The following F10 variants were observed in gnomAD, a reference collection of about 807,000 sequenced individuals.
F10 encodes coagulation factor X.
A neutral mutation model predicts 37.1 loss-of-function variants in F10; 29 were observed. That is an observed-to-expected ratio of 0.78 (90% CI 0.58 to 1.07). The LOEUF is 1.07. Among genes scored for constraint, F10 ranks in the 50% least tolerant of loss-of-function variants. F10 has a pLI of 0.00. For synonymous variants in F10, 262 were observed against 268.6 expected, an observed-to-expected ratio of 0.98 and a Z score of 0.24; for missense variants, 539 against 667.9, an observed-to-expected ratio of 0.81 and a Z score of 2.13.
In F10 at chr13:113,129,758, G is replaced by C. The variant is rs2036410859; in HGVS notation, c.231+146G>C. ...TTTCAGGGGCGGGGCCCAGCAAATC[G>C]AGGCCTCGGCGGAGTCCTGCCCACA... On this transcript the variant is annotated intron_variant, in intron 2 of 7. Transcript: ENST00000375559. 9 of 1,071,808 alleles carry C rather than the reference G, an allele frequency of 8.4e-6. No individual in the cohort carries two copies. In the South Asian group the frequency reaches 1.0e-4, roughly 12 times the overall value. 66.4% of individuals were successfully genotyped at this position (1,071,808 alleles called of 1,614,324 possible).
intron 7 of F10, among the ~76,000 whole-genome samples, chr13:113,147,897 G>A (rs774823928): frequency 3.3e-5 from 5 of 152,080 alleles, no homozygotes; most frequent in Admixed American, 1.3e-4. Flanking sequence ...TTTATTTGTG[G>A]GATTGTTTCA....
rs1039641348 is a variant in F10 at position 113,123,054 on chromosome 13, G to A, written c.70+129G>A. On this transcript the variant is annotated intron_variant, in intron 1 of 7. Coordinates refer to ENST00000375559, the MANE Select transcript of F10 (RefSeq NM_000504.4). ...TTGAGTGCTGCCAGAGGCTGGGCTC[G>A]GATGGCTGGGCTTGGCCTTTCCAGC... 43 of 1,133,612 alleles carry A rather than the reference G, an allele frequency of 3.8e-5. 1 individual carries two copies. Among genetic ancestry groups the A allele is most frequent in the Admixed American group, 1.2e-4 (6 of 50,358 alleles). 70.2% of individuals were successfully genotyped at this position (1,133,612 alleles called of 1,614,324 possible).
At chr13:113,127,284 G>A (rs1310819450) in intron 1 of F10, among the ~76,000 whole-genome samples, 3 of 152,222 alleles carry the variant, frequency 2.0e-5, no homozygotes, top group African/African-American at 7.2e-5. Flanking sequence ...TGGACATGGA[G>A]AGTTTGGAGT....
In F10 at chr13:113,122,939, G is replaced by C. The variant is rs374448450; in HGVS notation, c.70+14G>C. 1.2e-5 allele frequency: 20 copies of C among 1,607,826 alleles called. No homozygotes were observed. Among genetic ancestry groups the C allele is most frequent in the Non-Finnish European group, 1.6e-5 (19 of 1,179,886 alleles). Reference sequence around the variant, plus strand: ...TCGGGGAAAGTCGTAAGTGCCCCTCGCCCTTCAGACCCAAAAGCAGCGCCA... The same window carrying C: ...TCGGGGAAAGTCGTAAGTGCCCCTCCCCCTTCAGACCCAAAAGCAGCGCCA... On this transcript the variant is annotated intron_variant, in intron 1 of 7. Transcript: ENST00000375559.
chr13:113,140,613 C>A (rs943479062), intron 4 of F10: 1 of 597,204 alleles, frequency 1.7e-6, no homozygotes. Flanking sequence ...AAAAGCCACA[C>A]AGAGGGATGT....
chr13:113,128,523 G>A (rs544310663), intron 1 of F10: 1 of 152,364 alleles, frequency 6.6e-6, no homozygotes, highest in Admixed American at 6.5e-5. Flanking sequence ...GCCACCCTTA[G>A]AGGGAATAGA....
rs199504070 is a variant in F10 at position 113,143,886 on chromosome 13, A to G, written c.538A>G (p.Arg180Gly). ...CTGTGGGAAACAGACCCTGGAACGCAGGAAGAGGTCAGTGGCCCAGGCCAC... is the reference window on the plus strand; with the variant it reads ...CTGTGGGAAACAGACCCTGGAACGCGGGAAGAGGTCAGTGGCCCAGGCCAC... ...YPCGKQTLER[R>G]KRSVAQATSS... is the part of the protein sequence containing the mutation. The change falls in exon 6 of 8, where the codon AGG becomes GGG. Residue 180 changes from arginine to glycine, a missense_variant. By Grantham distance (125) the Arg-to-Gly change is moderately radical (BLOSUM62 -2). Coordinates refer to ENST00000375559, the MANE Select transcript of F10 (RefSeq NM_000504.4). This position sits in a 1 kb window ranked among gnomAD's most constrained non-coding sequence, Gnocchi z 6.8. 92 of 1,613,260 alleles carry G rather than the reference A, an allele frequency of 5.7e-5. No homozygotes were observed. The highest frequency in any genetic ancestry group is 7.2e-5 in the Non-Finnish European group (85 of 1,179,986).
rs369828127 is a variant in F10 at position 113,124,676 on chromosome 13, G to A, written c.70+1751G>A. 7.9e-4 allele frequency among the ~76,000 whole-genome samples: 121 copies of A among 152,348 alleles called. 1 individual carries two copies. The highest frequency in any genetic ancestry group is 2.8e-3 in the African/African-American group (118 of 41,584). On this transcript the variant is annotated intron_variant, in intron 1 of 7. Coordinates refer to ENST00000375559, the MANE Select transcript of F10 (RefSeq NM_000504.4). ...CATCTGCAGTCTAGCCTTTAAACGA[G>A]CACAGCTGTCCTGGCAGTCACGGAA...
chr13:113,124,096 A>G (rs2036347277), intron 1 of F10, among the ~76,000 whole-genome samples: 1 of 152,192 alleles, frequency 6.6e-6, no homozygotes, highest in African/African-American at 2.4e-5. Context: ...TTGGTAGAAA[A>G]TTCTGCAGCC....
intron 2 of F10, chr13:113,131,560 A>C (rs2036434310): frequency 6.6e-6 from 1 of 152,352 alleles, no homozygotes; most frequent in Non-Finnish European, 1.5e-5. Flanking sequence ...AACTCAAAAA[A>C]TTATTGGTGA....
At position 113,139,333 on chromosome 13, in the gene F10, A is replaced by G. The variant is rs530554571; in HGVS notation, c.257-24A>G. 6.3e-7 allele frequency: 1 copy of G among 1,596,424 alleles called. No individual in the cohort carries two copies. Among genetic ancestry groups the G allele is most frequent in the East Asian group, 2.2e-5 (1 of 44,814 alleles). On this transcript the variant is annotated intron_variant, in intron 3 of 7. Transcript: ENST00000375559. This position sits in a 1 kb window ranked among gnomAD's most constrained non-coding sequence, Gnocchi z 5.2. The stretch of plus-strand genomic sequence containing the variant: ...ATGCCGGAAACAGCTTGCAGACTCC[A>G]GTTTCGAAATCCTCTCTTTGCAGAT...
intron 7 of F10, among the ~76,000 whole-genome samples, chr13:113,148,425 T>C (rs979874575): frequency 3.1e-4 from 46 of 148,274 alleles, no homozygotes; most frequent in African/African-American, 1.0e-3. Flanking sequence ...ATTTCCATAA[T>C]ATATCTTATT....
In F10 at chr13:113,136,637, T is replaced by TAGTAGAGATGGGGTTTCACCA. The variant is rs1566918009; in HGVS notation, c.232-1820_232-1819insAGTAGAGATGGGGTTTCACCA. 5.2e-3 allele frequency among the ~76,000 whole-genome samples: 52 copies of TAGTAGAGATGGGGTTTCACCA among 9,980 alleles called. 3 individuals carry two copies. Among genetic ancestry groups the TAGTAGAGATGGGGTTTCACCA allele is most frequent in the East Asian group, 0.011 (2 of 188 alleles). 6.5% of individuals were successfully genotyped at this position (9,980 alleles called of 152,430 possible). A position where few individuals can be genotyped will look rare whatever the true frequency, so the allele number is the denominator to read the frequency against. On this transcript the variant is annotated intron_variant, in intron 2 of 7. Transcript: ENST00000375559. The stretch of plus-strand genomic sequence containing the variant: ...CATGGCAGGCTAATTCTTGTACTTT[T>TAGTAGAGATGGGGTTTCACCA]TTTTTTTTTTTTTTTTTTTTTTTTT...
intron 1 of F10, among the ~76,000 whole-genome samples, chr13:113,124,419 G>A (rs541731344): frequency 6.6e-5 from 10 of 152,352 alleles, no homozygotes; most frequent in Middle Eastern, 3.4e-3. Flanking sequence ...TGTGTGATGC[G>A]GGCCTGGCTC....
At chr13:113,136,016 C>T (rs1308036974) in intron 2 of F10, among the ~76,000 whole-genome samples, 2 of 151,974 alleles carry the variant, frequency 1.3e-5, no homozygotes, top group East Asian at 1.9e-4. Flanking sequence ...GAATCATATT[C>T]GGAATATATA....
chr13:113,134,430 C>T (rs2036460407), intron 2 of F10, among the ~76,000 whole-genome samples: 1 of 152,166 alleles, frequency 6.6e-6, no homozygotes, highest in South Asian at 2.1e-4. Context: ...AGCAAACGTG[C>T]TCTTCTTCAC....
chr13:113,127,827 C>A (rs1162154411), intron 1 of F10, among the ~76,000 whole-genome samples: 2 of 152,142 alleles, frequency 1.3e-5, no homozygotes, highest in Non-Finnish European at 2.9e-5. Context: ...TAACAAAGAG[C>A]AGAGACCTTA....
rs958086314 is a variant in F10 at position 113,141,889 on chromosome 13, C to T, written c.502+839C>T. Among the ~76,000 whole-genome samples, 2 of 152,236 alleles carry T rather than the reference C, an allele frequency of 1.3e-5. No individual in the cohort carries two copies. The highest frequency in any genetic ancestry group is 1.9e-4 in the East Asian group (1 of 5,196). ...GAGCCTGGTGACCCAGCTCACCTTC[C>T]GGCTTCAGGTGCGGCTCAGCCCCCA... is the stretch of plus-strand genomic sequence containing the variant. On this transcript the variant is annotated intron_variant, in intron 5 of 7. Coordinates refer to ENST00000375559, the MANE Select transcript of F10 (RefSeq NM_000504.4). The surrounding 1 kb of genome is among the most constrained non-coding windows in gnomAD (Gnocchi z 5.4).
rs577499294 is a variant in F10 at position 113,123,130 on chromosome 13, G to A, written c.70+205G>A. Reference sequence around the variant, plus strand: ...GGCTCCCTGGGGCTGAGAGTCAGACGGGCGGATCAGAGGTCACAGAGACAA... The same window carrying A: ...GGCTCCCTGGGGCTGAGAGTCAGACAGGCGGATCAGAGGTCACAGAGACAA... On this transcript the variant is annotated intron_variant, in intron 1 of 7. Coordinates refer to ENST00000375559, the MANE Select transcript of F10 (RefSeq NM_000504.4). Among the ~76,000 whole-genome samples, 177 of 152,328 alleles carry A rather than the reference G, an allele frequency of 1.2e-3. 1 individual carries two copies. The highest frequency in any genetic ancestry group is 2.0e-3 in the Non-Finnish European group (133 of 68,036).
Sources: allele counts gnomAD v4.1 joint callset (sites outside exome capture counted in the v4.1 genomes callset), GRCh38; gene constraint gnomAD v4.1.1; non-coding constraint Gnocchi (gnomAD v3.1); transcripts MANE v1.5; gene names NCBI Gene and HGNC (gene_info 2026-07-23, HGNC 2026-07-21).